The following CFI variants were observed in gnomAD, a reference collection of about 807,000 sequenced individuals.
The protein encoded by CFI is complement factor I, also known as C3B/C4B inactivator.
Under a neutral mutation model 78.8 loss-of-function variants are expected in CFI, and 66 were observed. That is an observed-to-expected ratio of 0.84 (90% CI 0.69 to 1.03). The LOEUF (loss-of-function observed/expected upper bound fraction) is 1.03. Among genes scored for constraint, CFI ranks in the 50% least tolerant of loss-of-function variants. CFI has a pLI of 0.00. For missense variants in CFI, 706 were observed against 704.5 expected (o/e 1.00, Z -0.02); for synonymous variants, 250 against 232.6 (o/e 1.07, Z -0.68).
chr4:109,759,040 C>T (rs989284635), intron 6 of CFI, among the ~76,000 whole-genome samples: 100 of 152,136 alleles, frequency 6.6e-4, no homozygotes, highest in Non-Finnish European at 1.3e-3. Flanking sequence ...TTGCAGTGAG[C>T]CTACATTGTG....
intron 1 of CFI, among the ~76,000 whole-genome samples, chr4:109,770,902 G>A (rs2126231862): frequency 1.3e-5 from 2 of 152,246 alleles, no homozygotes; most frequent in East Asian, 1.9e-4. Context: ...AAGAAGGAGT[G>A]GCTAACAAAC....
At chr4:109,758,815 G>A (rs540739917) in intron 6 of CFI, among the ~76,000 whole-genome samples, 5 of 152,246 alleles carry the variant, frequency 3.3e-5, no homozygotes, top group Non-Finnish European at 5.9e-5. Context: ...GCCTAAGGCC[G>A]GGCACAGTGG....
chr4:109,738,838 C>T (rs577368860), downstream of CFI, among the ~76,000 whole-genome samples: 1 of 152,312 alleles, frequency 6.6e-6, no homozygotes, highest in African/African-American at 2.4e-5. Flanking sequence ...CTGACGGCAA[C>T]AGCATGAGAG....
chr4:109,763,903 G>A lies in CFI; in HGVS notation c.482+634C>T, dbSNP rs1168253093. Reference sequence around the variant, plus strand: ...AAGAAAACTTCTAAATTACATATGGGGCAAAGAAGAAATTATATTGAAAGT... The same window carrying A: ...AAGAAAACTTCTAAATTACATATGGAGCAAAGAAGAAATTATATTGAAAGT... On this transcript the variant is annotated intron_variant, in intron 3 of 12. Transcript: ENST00000394634. 2.0e-5 allele frequency among the ~76,000 whole-genome samples: 3 copies of A among 149,880 alleles called. No individual in the cohort carries two copies. In the East Asian group the frequency reaches 5.9e-4, roughly 29 times the overall value.
intron 1 of CFI, among the ~76,000 whole-genome samples, chr4:109,776,030 G>A (rs188767310): frequency 6.6e-6 from 1 of 152,230 alleles, no homozygotes; most frequent in Admixed American, 6.5e-5. Flanking sequence ...CAAAGATGGG[G>A]AGAAACCAGA....
At chr4:109,793,088 A>G (rs1731585009) in intron 1 of CFI, among the ~76,000 whole-genome samples, 2 of 152,044 alleles carry the variant, frequency 1.3e-5, no homozygotes, top group African/African-American at 4.8e-5. Context: ...TTTCATATTC[A>G]ACTATTTCAG....
At chr4:109,779,816 C>A (rs1729757615) in intron 1 of CFI, among the ~76,000 whole-genome samples, 1 of 152,046 alleles carries the variant, frequency 6.6e-6, no homozygotes. Flanking sequence ...ACAGAGGCCT[C>A]AGAAATAATA....
At chr4:109,788,419 G>A (rs1731005086) in intron 1 of CFI, among the ~76,000 whole-genome samples, 1 of 151,974 alleles carries the variant, frequency 6.6e-6, no homozygotes, top group Non-Finnish European at 1.5e-5. Context: ...ACTTTTACTT[G>A]CATTTTTTTC....
At chr4:109,748,747 C>G (rs1724778081) in intron 10 of CFI, among the ~76,000 whole-genome samples, 2 of 152,078 alleles carry the variant, frequency 1.3e-5, no homozygotes, top group South Asian at 4.1e-4. Context: ...TAGCAGAGGT[C>G]AGATTACATG....
At chr4:109,776,329 A>T (rs2125835254) in intron 1 of CFI, among the ~76,000 whole-genome samples, 2 of 152,366 alleles carry the variant, frequency 1.3e-5, no homozygotes, top group East Asian at 3.9e-4. Context: ...ATGCATGCAC[A>T]AGCTTCAGTA....
At chr4:109,768,981 A>G (rs1298989237) in intron 1 of CFI, among the ~76,000 whole-genome samples, 4 of 152,128 alleles carry the variant, frequency 2.6e-5, no homozygotes, top group Admixed American at 6.6e-5. Context: ...CCAGTTACGC[A>G]CTTTTCATGG....
chr4:109,774,043 A>G (rs1728921396), intron 1 of CFI, among the ~76,000 whole-genome samples: 1 of 152,220 alleles, frequency 6.6e-6, no homozygotes, highest in African/African-American at 2.4e-5. Flanking sequence ...AATTTTATTG[A>G]TTTATATGTT....
At chr4:109,741,861 A>T (rs1723835839) in intron 12 of CFI, 2 of 156,918 alleles carry the variant, frequency 1.3e-5, no homozygotes, top group Non-Finnish European at 2.8e-5. Context: ...ACTGGCTGGT[A>T]CTTTGCCTGC....
chr4:109,765,209 G>C (rs2126221931), intron 2 of CFI, among the ~76,000 whole-genome samples: 1 of 152,266 alleles, frequency 6.6e-6, no homozygotes, highest in South Asian at 2.1e-4. Context: ...CTCAAACAGG[G>C]AGCTTTTCCC....
chr4:109,761,888 G>T, intron 3 of CFI, 196 bp from the exon 4 acceptor site: 1 of 567,866 alleles, frequency 1.8e-6, no homozygotes, highest in South Asian at 2.0e-5. Flanking sequence ...ACTGGGTTTT[G>T]TAAAGATTAA....
intron 1 of CFI, among the ~76,000 whole-genome samples, chr4:109,795,478 C>T (rs2125871632): frequency 6.6e-6 from 1 of 152,204 alleles, no homozygotes. Flanking sequence ...AAGACACTAT[C>T]CAAGGAGCAC....
At chr4:109,791,195 T>C (rs1393688057) in intron 1 of CFI, among the ~76,000 whole-genome samples, 1 of 152,228 alleles carries the variant, frequency 6.6e-6, no homozygotes, top group Non-Finnish European at 1.5e-5. Flanking sequence ...TATCCAGTGA[T>C]CACTGATGTT....
chr4:109,748,202 C>T (rs781613774), intron 10 of CFI, among the ~76,000 whole-genome samples: 4 of 152,068 alleles, frequency 2.6e-5, no homozygotes, highest in Non-Finnish European at 4.4e-5. Flanking sequence ...GAATACTGTC[C>T]TTCATATTAA....
chr4:109,738,763 C>T (rs186391417), downstream of CFI, among the ~76,000 whole-genome samples: 490 of 152,270 alleles, frequency 3.2e-3, 5 homozygotes, highest in Middle Eastern at 0.01. Flanking sequence ...TGTCTAAGTC[C>T]GCCCAGCCCA....
Sources: allele counts gnomAD v4.1 joint callset (sites outside exome capture counted in the v4.1 genomes callset), GRCh38; gene constraint gnomAD v4.1.1; transcripts MANE v1.5; gene names NCBI Gene and HGNC (gene_info 2026-07-23, HGNC 2026-07-21).